IGSF9B: variants seen among roughly 807,000 people sequenced by gnomAD.
IGSF9B encodes the protein immunoglobulin superfamily member 9B, also known as protein turtle homolog B.
A neutral mutation model predicts 143.7 loss-of-function variants in IGSF9B; 48 were observed. The observed-to-expected ratio is 0.33, with a 90% CI of 0.26 to 0.42. The LOEUF is 0.42. Ranked by LOEUF, IGSF9B falls within the 20% of genes least tolerant of loss-of-function variation. IGSF9B has a pLI of 1.00. For missense variants in IGSF9B, 1,706 were observed against 1,980.0 expected, an observed-to-expected ratio of 0.86 and a Z score of 2.63; for synonymous variants, 903 against 833.1, an observed-to-expected ratio of 1.08 and a Z score of -1.44.
intron 3 of IGSF9B, among the ~76,000 whole-genome samples, chr11:133,943,361 CCTT>C (rs2073590627): frequency 6.6e-6 from 1 of 152,216 alleles, no homozygotes; most frequent in Admixed American, 6.5e-5. Context: ...GACCACTTCT[CCTT>C]CATCTTTTCT....
At chr11:133,950,258 C>A (rs1427861482) in intron 1 of IGSF9B, among the ~76,000 whole-genome samples, 4 of 152,188 alleles carry the variant, frequency 2.6e-5, no homozygotes, top group African/African-American at 9.7e-5. Context: ...GCTCTGAATA[C>A]GGAGGAAGGT....
At chr11:133,951,020 C>G (rs1209202201) in intron 1 of IGSF9B, among the ~76,000 whole-genome samples, 1 of 152,130 alleles carries the variant, frequency 6.6e-6, no homozygotes, top group Non-Finnish European at 1.5e-5. Flanking sequence ...CCCCAATAGT[C>G]CCCCAACCCC....
Position 133,901,634 on chromosome 11 carries a change from TGTACAGTCTCC to T in IGSF9B, c.*7424_*7434del, listed in dbSNP as rs1939121648. The T allele has an allele frequency of 6.6e-6, 1 of 152,184 alleles. No individual in the cohort carries two copies. The highest frequency in any genetic ancestry group is 1.5e-5 in the Non-Finnish European group (1 of 68,026). The allele number at this position is 152,184 out of a possible 1,614,324, so 9.4% of individuals were successfully genotyped here. A position where few individuals can be genotyped will look rare whatever the true frequency, so the allele number is the denominator to read the frequency against. The stretch of plus-strand genomic sequence containing the variant: ...AATTCTGTAGATTTATATAATTTTA[TGTACAGTCTCC>T]ATAAAAAATACATTAAAGATGGTGC... On this transcript the variant is annotated 3_prime_UTR_variant, in exon 20 of 20. Transcript: ENST00000533871.
chr11:133,934,712 C>G (rs966065903), intron 7 of IGSF9B, among the ~76,000 whole-genome samples: 4 of 152,166 alleles, frequency 2.6e-5, no homozygotes, highest in African/African-American at 9.7e-5. Context: ...GTCGGACCAG[C>G]TCCACCTCCA....
Position 133,920,180 on chromosome 11 carries a change from C to G in IGSF9B, c.3545G>C (p.Arg1182Pro), listed in dbSNP as rs199538394. Residue 1182 changes from arginine to proline, a missense_variant, in exon 18 of 20, where the codon CGG becomes CCG. Physicochemically the swap from Arg to Pro is moderately radical, Grantham distance 103. This residue lies in a region of IGSF9B where 880 missense variants were observed against 762.9 expected (regional missense o/e 1.15). Coordinates refer to ENST00000533871, the MANE Select transcript of IGSF9B (RefSeq NM_001277285.4). ...EPQPRPRPSP[R>P]QARRAEPSLH... ...ACTGGGCTCGGCGCGCCTGGCCTGC[C>G]GAGGGCTAGGCCGGGGCCGGGGCTG... The G allele has an allele frequency of 6.0e-6, 9 of 1,508,290 alleles. No homozygotes were observed. The highest frequency in any genetic ancestry group is 8.0e-6 in the Non-Finnish European group (9 of 1,128,430). The allele number at this position is 1,508,290 out of a possible 1,614,324, so 93.4% of individuals were successfully genotyped here. A position where few individuals can be genotyped will look rare whatever the true frequency, so the allele number is the denominator to read the frequency against.
At chr11:133,935,350 G>A (rs945896897) in intron 7 of IGSF9B, among the ~76,000 whole-genome samples, 45 of 152,346 alleles carry the variant, frequency 3.0e-4, no homozygotes, top group African/African-American at 8.7e-4. Context: ...CTGCTCAAAG[G>A]TGTCTTCCTG....
At chr11:133,936,448 C>G (rs1939825884) in intron 5 of IGSF9B, among the ~76,000 whole-genome samples, 1 of 152,068 alleles carries the variant, frequency 6.6e-6, no homozygotes, top group Non-Finnish European at 1.5e-5. Flanking sequence ...AGAGCCCGAG[C>G]CAGACATGCA....
rs564661636 is a variant in IGSF9B, at chr11:133,946,007, G to C, written c.262+54C>G. ...AGGCAGGGGCCAGAGGGGAACCACC[G>C]AGGAGCTGACTCCAGCTGGGGAAGG... On this transcript the variant is annotated intron_variant, in intron 2 of 19. Transcript: ENST00000533871. 1.4e-5 allele frequency: 18 copies of C among 1,281,574 alleles called. No homozygotes were observed. In the Admixed American group the frequency reaches 1.6e-4, roughly 11 times the overall value. The allele number at this position is 1,281,574 out of a possible 1,614,324, so 79.4% of individuals were successfully genotyped here.
At chr11:133,942,746 C>CT (rs1939974247) in intron 3 of IGSF9B, among the ~76,000 whole-genome samples, 1 of 152,338 alleles carries the variant, frequency 6.6e-6, no homozygotes, top group South Asian at 2.1e-4. Flanking sequence ...CTCCTGTTCC[C>CT]TGCTCACGCA....
chr11:133,917,153 G>A (rs1370790373), intron 18 of IGSF9B, among the ~76,000 whole-genome samples: 1 of 152,184 alleles, frequency 6.6e-6, no homozygotes, highest in East Asian at 1.9e-4. Flanking sequence ...AGAAGCACCT[G>A]GACGGGAGGC....
At chr11:133,914,829 A>G (rs1939352596) in intron 18 of IGSF9B, among the ~76,000 whole-genome samples, 1 of 152,206 alleles carries the variant, frequency 6.6e-6, no homozygotes. Flanking sequence ...AGACTTTACC[A>G]ACAGCACGTA....
At chr11:133,926,039 T>C in intron 13 of IGSF9B, 74 bp from the exon 14 acceptor site, 1 of 1,089,096 alleles carries the variant, frequency 9.2e-7, no homozygotes, top group Non-Finnish European at 1.4e-6. Context: ...CCCACACTCC[T>C]GTGCACATGT....
At position 133,906,828 on chromosome 11, in the gene IGSF9B, T is replaced by TCACA. The variant is rs1430815110; in HGVS notation, c.*2237_*2240dup. Among the ~76,000 whole-genome samples, 1 of 152,070 alleles carries TCACA rather than the reference T, an allele frequency of 6.6e-6. No individual in the cohort carries two copies. Among genetic ancestry groups the TCACA allele is most frequent in the Non-Finnish European group, 1.5e-5 (1 of 67,996 alleles). ...CGTGAGCTCCTCTGGGGTAGAAATCTCACACTGCCAGTGCATAAAGGCTGC... is the reference window on the plus strand; with the variant it reads ...CGTGAGCTCCTCTGGGGTAGAAATCTCACACACACTGCCAGTGCATAAAGGCTGC... On this transcript the variant is annotated 3_prime_UTR_variant, in exon 20 of 20. Coordinates refer to ENST00000533871, the MANE Select transcript of IGSF9B (RefSeq NM_001277285.4).
intron 3 of IGSF9B, among the ~76,000 whole-genome samples, chr11:133,939,175 A>T (rs1001861041): frequency 3.9e-5 from 6 of 152,220 alleles, no homozygotes; most frequent in Non-Finnish European, 8.8e-5. Flanking sequence ...TTCTGACCTC[A>T]GGCCCTTTGC....
At chr11:133,952,056 A>G (rs1317921841) in intron 1 of IGSF9B, 1 of 455,536 alleles carries the variant, frequency 2.2e-6, no homozygotes, top group Non-Finnish European at 4.4e-6. Flanking sequence ...ACCTTCTCAG[A>G]AAGGACAGTC....
rs982493889 is a variant in IGSF9B, at chr11:133,935,880, A to C, written c.822-118T>G. 9.8e-6 allele frequency: 14 copies of C among 1,427,734 alleles called. No individual in the cohort carries two copies. The African/African-American group carries it at 2.0e-4, about 20-fold the overall frequency. The allele number at this position is 1,427,734 out of a possible 1,614,324, so 88.4% of individuals were successfully genotyped here. A position where few individuals can be genotyped will look rare whatever the true frequency, so the allele number is the denominator to read the frequency against. On this transcript the variant is annotated intron_variant, in intron 6 of 19. Transcript: ENST00000533871. Reference sequence around the variant, plus strand: ...GAGAGCCCATGCCCCTGGCATCCCCAGGGCCCCTCCATGCAGACCCTGGCC... The same window carrying C: ...GAGAGCCCATGCCCCTGGCATCCCCCGGGCCCCTCCATGCAGACCCTGGCC...
chr11:133,921,385 G>C lies in IGSF9B; in HGVS notation c.2340C>G (p.Gly780=). The C allele has an allele frequency of 1.3e-6, 2 of 1,523,116 alleles. No individual in the cohort carries two copies. Among genetic ancestry groups the C allele is most frequent in the Non-Finnish European group, 8.8e-7 (1 of 1,136,066 alleles). The allele number at this position is 1,523,116 out of a possible 1,614,324, so 94.4% of individuals were successfully genotyped here. A position where few individuals can be genotyped will look rare whatever the true frequency, so the allele number is the denominator to read the frequency against. The change falls in exon 18 of 20, where the codon GGC becomes GGG. Residue 780 remains glycine, a synonymous_variant. Transcript: ENST00000533871. ...RKSLESPLSS[G]KVSPESIRTL... is the part of the protein sequence containing the mutation. Reference sequence around the variant, plus strand: ...TGCGGATGCTCTCGGGGCTCACCTTGCCAGAGGACAAGCTGCAAGGAGGAG... The same window carrying C: ...TGCGGATGCTCTCGGGGCTCACCTTCCCAGAGGACAAGCTGCAAGGAGGAG...
rs796316487 is a variant in IGSF9B at position 133,904,960 on chromosome 11, C to T, written c.*4109G>A. On this transcript the variant is annotated 3_prime_UTR_variant, in exon 20 of 20. Transcript: ENST00000533871. Reference sequence around the variant, plus strand: ...GGCTCTACACACTGCCTACTAGATCCACTTTATATGAAGAAGATACCCAGG... The same window carrying T: ...GGCTCTACACACTGCCTACTAGATCTACTTTATATGAAGAAGATACCCAGG... Among the ~76,000 whole-genome samples, 11 of 149,988 alleles carry T rather than the reference C, an allele frequency of 7.3e-5. No individual in the cohort carries two copies. The South Asian group carries it at 2.2e-3, about 30-fold the overall frequency.
At chr11:133,952,693 C>T (rs1337023635) in intron 1 of IGSF9B, among the ~76,000 whole-genome samples, 1 of 152,192 alleles carries the variant, frequency 6.6e-6, no homozygotes, top group Non-Finnish European at 1.5e-5. Flanking sequence ...ACATACATGC[C>T]AGCATGCATA....
Sources: allele counts gnomAD v4.1 joint callset (sites outside exome capture counted in the v4.1 genomes callset), GRCh38; gene constraint gnomAD v4.1.1; regional missense constraint gnomAD v4.1.1; transcripts MANE v1.5; gene names NCBI Gene and HGNC (gene_info 2026-07-23, HGNC 2026-07-21).